NME8: variants seen among roughly 807,000 people sequenced by gnomAD.
NME8 encodes the protein protein NME8.
A neutral mutation model predicts 82.3 loss-of-function variants in NME8; 72 were observed. That is an observed-to-expected ratio of 0.87 (90% CI 0.72 to 1.06). The LOEUF is 1.06. NME8 is among the 50% of genes least tolerant of loss of function. The probability of loss-of-function intolerance (pLI) is 0.00; values close to 1 mark genes in which losing one functional copy is unlikely to be tolerated. For synonymous variants in NME8, 267 were observed against 228.5 expected, an observed-to-expected ratio of 1.17 and a Z score of -1.52; for missense variants, 712 against 685.4, an observed-to-expected ratio of 1.04 and a Z score of -0.43.
chr7:37,874,992 C>A (rs188990477), intron 11 of NME8, among the ~76,000 whole-genome samples: 1 of 152,082 alleles, frequency 6.6e-6, no homozygotes. Flanking sequence ...GAGCAAGTAA[C>A]GGACCAAGAA....
At chr7:37,888,684 T>A (rs1340176942) in intron 15 of NME8, among the ~76,000 whole-genome samples, 1 of 152,154 alleles carries the variant, frequency 6.6e-6, no homozygotes, top group South Asian at 2.1e-4. Context: ...TTTGCTGAAG[T>A]CTTTTTCAGA....
At chr7:37,855,117 G>A (rs1159213931) in intron 5 of NME8, among the ~76,000 whole-genome samples, 1 of 152,124 alleles carries the variant, frequency 6.6e-6, no homozygotes, top group African/African-American at 2.4e-5. Context: ...AATTATAGAT[G>A]TTGTGTTTGG....
At chr7:37,854,043 G>A (rs967339110) in intron 5 of NME8, among the ~76,000 whole-genome samples, 1 of 150,564 alleles carries the variant, frequency 6.6e-6, no homozygotes, top group Non-Finnish European at 1.5e-5. Flanking sequence ...TGGAGTTAGG[G>A]GTGCTAACCC....
chr7:37,891,539 CTGT>C (rs1280321660), intron 15 of NME8, among the ~76,000 whole-genome samples: 1 of 151,770 alleles, frequency 6.6e-6, no homozygotes, highest in Non-Finnish European at 1.5e-5. Flanking sequence ...TTTTCATTTA[CTGT>C]TGTTCTTCTC....
chr7:37,863,700 A>G (rs879486389), intron 8 of NME8, among the ~76,000 whole-genome samples: 2 of 152,154 alleles, frequency 1.3e-5, no homozygotes, highest in Admixed American at 1.3e-4. Flanking sequence ...TGTACAATGG[A>G]TTCCTGTCTC....
intron 12 of NME8, among the ~76,000 whole-genome samples, chr7:37,882,643 G>GAAAGAAAGAA (rs796634405): frequency 2.0e-5 from 1 of 49,418 alleles, no homozygotes; most frequent in South Asian, 7.1e-4. Flanking sequence ...AAGAAAGAAA[G>GAAAGAAAGAA]AGAAAGAAAG....
chr7:37,893,709 A>G (rs1205235413), intron 15 of NME8, among the ~76,000 whole-genome samples: 1 of 152,186 alleles, frequency 6.6e-6, no homozygotes. Context: ...TTACTCTATA[A>G]TAATGATCAC....
chr7:37,877,898 G>C (rs138582432), intron 12 of NME8, among the ~76,000 whole-genome samples: 168 of 152,252 alleles, frequency 1.1e-3, no homozygotes, highest in African/African-American at 3.9e-3. Context: ...GAGAATCATT[G>C]ATATACACAG....
Position 37,884,467 on chromosome 7 carries a change from A to G in NME8, c.1139+20A>G. 8.1e-6 allele frequency: 13 copies of G among 1,601,894 alleles called. No homozygotes were observed. The highest frequency in any genetic ancestry group is 1.1e-5 in the Non-Finnish European group (13 of 1,169,856). The stretch of plus-strand genomic sequence containing the variant: ...GACCAGGTAGAATCCAGGTTGAGAA[A>G]ATTCAGTCTGATTTATTTTTGAATC... On this transcript the variant is annotated intron_variant, in intron 13 of 17. Coordinates refer to ENST00000199447, the MANE Select transcript of NME8 (RefSeq NM_016616.5).
intron 5 of NME8, 68 bp downstream of exon 5, chr7:37,850,803 C>G: frequency 1.0e-6 from 1 of 998,032 alleles, no homozygotes; most frequent in Non-Finnish European, 1.6e-6. Context: ...TCCTCTAATA[C>G]TTTAAGTATT....
chr7:37,897,958 C>T (rs988149657), intron 17 of NME8, among the ~76,000 whole-genome samples: 1 of 152,154 alleles, frequency 6.6e-6, no homozygotes, highest in African/African-American at 2.4e-5. Context: ...CTGCAATAAA[C>T]ATATGTGTGC....
intron 15 of NME8, among the ~76,000 whole-genome samples, chr7:37,890,900 A>G (rs1016489656): frequency 6.6e-6 from 1 of 152,002 alleles, no homozygotes; most frequent in African/African-American, 2.4e-5. Context: ...ATAATGCTGC[A>G]ATAAACATGT....
intron 12 of NME8, 51 bp downstream of exon 12, chr7:37,877,058 A>G (rs1784866221): frequency 7.0e-7 from 1 of 1,428,104 alleles, no homozygotes; most frequent in Admixed American, 1.7e-5. Context: ...ATGAGATTTG[A>G]ATAAACCCTA....
intron 11 of NME8, among the ~76,000 whole-genome samples, chr7:37,870,908 G>C (rs560408925): frequency 2.0e-3 from 306 of 152,296 alleles, no homozygotes; most frequent in Non-Finnish European, 3.5e-3. Flanking sequence ...TCTGGAGGGA[G>C]GGCCTGATAG....
chr7:37,870,150 TC>T (rs1231876984), intron 11 of NME8, among the ~76,000 whole-genome samples: 2 of 151,634 alleles, frequency 1.3e-5, no homozygotes, highest in African/African-American at 2.4e-5. Context: ...AACAGGGGTG[TC>T]CAATCTTTTG....
At position 37,868,516 on chromosome 7, in the gene NME8, C is replaced by T. The variant is rs183687864; in HGVS notation, c.818+618C>T. 1.2e-3 allele frequency among the ~76,000 whole-genome samples: 180 copies of T among 152,156 alleles called. 2 individuals carry two copies. The highest frequency in any genetic ancestry group is 4.2e-3 in the African/African-American group (176 of 41,490). On this transcript the variant is annotated intron_variant, in intron 11 of 17. Transcript: ENST00000199447. ...AAATTCCTCAGATAAGGAGTTTTGC[C>T]TCTGGATAGTCAGCTTGGTGGCCCT...
At chr7:37,868,716 C>T (rs752173920) in intron 11 of NME8, among the ~76,000 whole-genome samples, 3 of 152,130 alleles carry the variant, frequency 2.0e-5, no homozygotes, top group Non-Finnish European at 4.4e-5. Context: ...AACTCAGTCT[C>T]CTCTCCCATC....
chr7:37,899,536 G>T (rs1173366873), intron 17 of NME8, among the ~76,000 whole-genome samples: 1 of 152,026 alleles, frequency 6.6e-6, no homozygotes, highest in Non-Finnish European at 1.5e-5. Flanking sequence ...GTGGGGGCTG[G>T]GGGAGGGAGA....
intron 11 of NME8, among the ~76,000 whole-genome samples, chr7:37,874,299 G>C (rs1308346815): frequency 6.6e-6 from 1 of 152,146 alleles, no homozygotes; most frequent in Non-Finnish European, 1.5e-5. Context: ...AATTCTTCTA[G>C]ATTCTAAATT....
Sources: allele counts gnomAD v4.1 joint callset (sites outside exome capture counted in the v4.1 genomes callset), GRCh38; gene constraint gnomAD v4.1.1; transcripts MANE v1.5; gene names NCBI Gene and HGNC (gene_info 2026-07-23, HGNC 2026-07-21).